Variants in PRR16 observed in about 807,000 individuals in gnomAD.
The protein encoded by PRR16 is proline rich 16.
A neutral mutation model predicts 18.2 loss-of-function variants in PRR16; 6 were observed. The ratio of observed to expected loss-of-function variants is 0.33; its 90% CI spans 0.18 to 0.65. PRR16 has a LOEUF of 0.65. PRR16 is among the 30% of genes least tolerant of loss of function. PRR16 has a pLI of 0.74. For synonymous variants in PRR16, 151 were observed against 147.8 expected (o/e 1.02, Z -0.16); for missense variants, 412 against 376.6 (o/e 1.09, Z -0.78).
chr5:120,595,977 A>G (rs1458640456), intron 1 of PRR16, among the ~76,000 whole-genome samples: 3 of 151,944 alleles, frequency 2.0e-5, no homozygotes, highest in African/African-American at 7.2e-5. Flanking sequence ...TTCATAGCAA[A>G]TCAAAAGATG....
intron 1 of PRR16, among the ~76,000 whole-genome samples, chr5:120,665,895 G>A (rs1459386303): frequency 1.8e-4 from 27 of 152,266 alleles, no homozygotes; most frequent in Admixed American, 9.8e-4. Flanking sequence ...GTAGCGTGAT[G>A]CCTCCAGCTT....
At chr5:120,500,981 G>A (rs1561519305) in intron 1 of PRR16, among the ~76,000 whole-genome samples, 1 of 151,130 alleles carries the variant, frequency 6.6e-6, no homozygotes, top group Non-Finnish European at 1.5e-5. Flanking sequence ...TAACAACTCA[G>A]AATACTTAAA....
At chr5:120,745,100 C>T in the PRR16 span, among the ~76,000 whole-genome samples, 1 of 152,112 alleles carries the variant, frequency 6.6e-6, no homozygotes. Context: ...TTTCCCAATC[C>T]TCCCTAATCA....
At chr5:120,495,759 A>C (rs1425083328) in intron 1 of PRR16, among the ~76,000 whole-genome samples, 5 of 151,976 alleles carry the variant, frequency 3.3e-5, no homozygotes, top group African/African-American at 1.2e-4. Flanking sequence ...ACCCTTTGCA[A>C]ATACAGTTTT....
In PRR16 at chr5:120,679,485, A is replaced by T. The variant is rs138835595; in HGVS notation, c.160-6469A>T. ...AACAGAGATGTGCAATTATAAGGAT[A>T]TAGTGGATTCCTTTTCTAGGTGATT... On this transcript the variant is annotated intron_variant, in intron 1 of 1. Coordinates refer to ENST00000407149, the MANE Select transcript of PRR16 (RefSeq NM_001300783.2). Among the ~76,000 whole-genome samples the T allele has an allele frequency of 5.3e-5, 8 of 152,304 alleles. 1 individual carries two copies. In the East Asian group the frequency reaches 1.5e-3, roughly 29 times the overall value.
intron 1 of PRR16, among the ~76,000 whole-genome samples, chr5:120,600,441 C>G (rs1753946278): frequency 6.6e-6 from 1 of 151,790 alleles, no homozygotes; most frequent in African/African-American, 2.4e-5. Context: ...TTCAATAGTT[C>G]AGAAATTTGC....
At chr5:120,783,879 A>G in the PRR16 span, among the ~76,000 whole-genome samples, 1 of 152,048 alleles carries the variant, frequency 6.6e-6, no homozygotes, top group Non-Finnish European at 1.5e-5. Context: ...CCCACTACCC[A>G]TACCAGCCTC....
intron 1 of PRR16, among the ~76,000 whole-genome samples, chr5:120,648,578 A>C (rs1755673243): frequency 6.6e-6 from 1 of 152,122 alleles, no homozygotes; most frequent in Non-Finnish European, 1.5e-5. Flanking sequence ...TATTATTTTT[A>C]AATGAATGAC....
At chr5:120,543,321 T>C (rs1438716686) in intron 1 of PRR16, among the ~76,000 whole-genome samples, 1 of 152,114 alleles carries the variant, frequency 6.6e-6, no homozygotes, top group Non-Finnish European at 1.5e-5. Flanking sequence ...GGTGAGCATA[T>C]CGTGGGGTTA....
the PRR16 span, among the ~76,000 whole-genome samples, chr5:120,776,085 CCTTGTCTCT>C: frequency 1.3e-5 from 2 of 152,092 alleles, no homozygotes; most frequent in South Asian, 4.1e-4. Flanking sequence ...CCCTCTGGGG[CCTTGTCTCT>C]CACTGTTGCT....
At chr5:120,562,133 A>G (rs1752594929) in intron 1 of PRR16, among the ~76,000 whole-genome samples, 1 of 152,068 alleles carries the variant, frequency 6.6e-6, no homozygotes. Flanking sequence ...GGCTCTAATC[A>G]TAGTTGTTTT....
chr5:120,739,263 C>G, the PRR16 span, among the ~76,000 whole-genome samples: 1 of 152,030 alleles, frequency 6.6e-6, no homozygotes, highest in African/African-American at 2.4e-5. Context: ...TATTTAGATA[C>G]TGTTATAAAA....
the PRR16 span, among the ~76,000 whole-genome samples, chr5:120,758,835 A>G: frequency 6.6e-6 from 1 of 152,142 alleles, no homozygotes; most frequent in Non-Finnish European, 1.5e-5. Flanking sequence ...ACATTAGTCT[A>G]AAAAATATAT....
At chr5:120,471,726 T>A (rs1172298650) in intron 1 of PRR16, among the ~76,000 whole-genome samples, 1 of 152,116 alleles carries the variant, frequency 6.6e-6, no homozygotes, top group East Asian at 1.9e-4. Flanking sequence ...TAAAAGTTAG[T>A]TCATTAGGAT....
At chr5:120,719,448 T>G in the PRR16 span, among the ~76,000 whole-genome samples, 6 of 152,092 alleles carry the variant, frequency 3.9e-5, no homozygotes, top group Admixed American at 6.6e-5. Context: ...TCAATTATAC[T>G]GTCACATAAA....
chr5:120,606,760 G>A (rs913653197), intron 1 of PRR16, among the ~76,000 whole-genome samples: 5 of 152,088 alleles, frequency 3.3e-5, no homozygotes, highest in African/African-American at 9.6e-5. Flanking sequence ...AAAAGAAATC[G>A]GTCAAGCATG....
intron 1 of PRR16, among the ~76,000 whole-genome samples, chr5:120,494,145 C>T (rs1296349973): frequency 6.6e-6 from 1 of 152,102 alleles, no homozygotes; most frequent in African/African-American, 2.4e-5. Flanking sequence ...ATTTTCAGTC[C>T]TACCGTCAAT....
intron 1 of PRR16, among the ~76,000 whole-genome samples, chr5:120,664,848 G>T (rs1756312113): frequency 6.7e-6 from 1 of 149,104 alleles, no homozygotes; most frequent in Non-Finnish European, 1.5e-5. Context: ...TCTTAATCCA[G>T]TCTATCATTG....
intron 1 of PRR16, among the ~76,000 whole-genome samples, chr5:120,470,314 G>C (rs1246624294): frequency 6.6e-6 from 1 of 151,954 alleles, no homozygotes; most frequent in Non-Finnish European, 1.5e-5. Flanking sequence ...CTGATGTTAG[G>C]AGCAGCACAT....
Sources: allele counts gnomAD v4.1 joint callset (sites outside exome capture counted in the v4.1 genomes callset), GRCh38; gene constraint gnomAD v4.1.1; transcripts MANE v1.5; gene names NCBI Gene and HGNC (gene_info 2026-07-23, HGNC 2026-07-21).